Variants in DCX observed in about 807,000 individuals in gnomAD.
DCX encodes neuronal migration protein doublecortin.
DCX carries 4 observed loss-of-function variants against 20.9 expected under a neutral mutation model. The ratio of observed to expected loss-of-function variants is 0.19; its 90% confidence interval spans 0.09 to 0.44. The LOEUF (loss-of-function observed/expected upper bound fraction) is 0.44, where lower values mean the gene tolerates loss of function less well. Among genes scored for constraint, DCX ranks in the 20% least tolerant of loss-of-function variants. The pLI, the probability that DCX is intolerant of heterozygous loss-of-function variation, is 0.99. For missense variants in DCX, 133 were observed against 296.9 expected (o/e 0.45, Z 4.06); for synonymous variants, 103 against 111.4 (o/e 0.92, Z 0.47).
chrX:111,331,930 C>T (rs934302149), intron 4 of DCX, among the ~76,000 whole-genome samples: 3 of 112,674 alleles, frequency 2.7e-5, no homozygotes, highest in African/African-American at 6.4e-5. Flanking sequence ...CCCCTGAGTT[C>T]CAGTTTAGTG....
At chrX:111,388,991 A>G (rs1486466748) in intron 3 of DCX, among the ~76,000 whole-genome samples, 1 of 111,809 alleles carries the variant, frequency 8.9e-6, no homozygotes, top group East Asian at 2.8e-4. Flanking sequence ...GACACTGGAC[A>G]GACTAGTTTT....
chrX:111,330,613 T>C (rs1230833717), intron 5 of DCX, among the ~76,000 whole-genome samples: 1 of 111,923 alleles, frequency 8.9e-6, no homozygotes, highest in African/African-American at 3.2e-5. Context: ...TGAATATGTT[T>C]TTGCCACATG....
At chrX:111,400,079 A>G (rs1421722105) in intron 3 of DCX, among the ~76,000 whole-genome samples, 1 of 111,695 alleles carries the variant, frequency 9.0e-6, no homozygotes, top group East Asian at 2.8e-4. Flanking sequence ...TAAACACCAA[A>G]GGCATTTTAA....
intron 5 of DCX, among the ~76,000 whole-genome samples, chrX:111,323,452 G>GTAGTGCT (rs1303016656): frequency 9.0e-6 from 1 of 111,219 alleles, no homozygotes; most frequent in Non-Finnish European, 1.9e-5. Flanking sequence ...TACTAGCACT[G>GTAGTGCT]AGTAAGTATT....
intron 3 of DCX, among the ~76,000 whole-genome samples, chrX:111,397,348 G>A (rs1441301515): frequency 4.5e-5 from 5 of 111,424 alleles, no homozygotes; most frequent in East Asian, 2.8e-4. Flanking sequence ...CTTGTGTCAC[G>A]TATAGCCAAA....
At chrX:111,350,792 G>A (rs1225865959) in intron 3 of DCX, among the ~76,000 whole-genome samples, 1 of 111,999 alleles carries the variant, frequency 8.9e-6, no homozygotes, top group African/African-American at 3.2e-5. Context: ...AAGACATACT[G>A]GAGACTGGGC....
At chrX:111,323,907 A>C (rs1021965304) in intron 5 of DCX, among the ~76,000 whole-genome samples, 1 of 111,443 alleles carries the variant, frequency 9.0e-6, no homozygotes, top group African/African-American at 3.3e-5. Flanking sequence ...AGAGAAAGGA[A>C]AGGACTGCTG....
At chrX:111,391,179 C>T (rs971284847) in intron 3 of DCX, among the ~76,000 whole-genome samples, 1 of 110,384 alleles carries the variant, frequency 9.1e-6, no homozygotes, top group Non-Finnish European at 1.9e-5. Flanking sequence ...TTTTCCCATG[C>T]TTTTCTCATG....
chrX:111,358,048 G>A (rs906349203), intron 3 of DCX, among the ~76,000 whole-genome samples: 2 of 110,815 alleles, frequency 1.8e-5, no homozygotes, highest in African/African-American at 3.3e-5. Flanking sequence ...GGCTGGCCTC[G>A]AACTCCTGGC....
intron 3 of DCX, among the ~76,000 whole-genome samples, chrX:111,400,236 G>T (rs958860963): frequency 9.0e-6 from 1 of 111,600 alleles, no homozygotes; most frequent in African/African-American, 3.3e-5. Context: ...ATGCTTAAGA[G>T]AATGGTGCAT....
intron 3 of DCX, among the ~76,000 whole-genome samples, chrX:111,394,725 C>T (rs1319599517): frequency 8.9e-6 from 1 of 111,861 alleles, no homozygotes; most frequent in Non-Finnish European, 1.9e-5. Flanking sequence ...AGCACCAGTG[C>T]TAACCACCCC....
At chrX:111,343,049 C>T (rs1922429517) in intron 3 of DCX, among the ~76,000 whole-genome samples, 1 of 108,120 alleles carries the variant, frequency 9.2e-6, no homozygotes, top group Admixed American at 1.0e-4. Context: ...TAGCAGAAGA[C>T]AAGAAATAAC....
chrX:111,375,642 A>G (rs1404469370), intron 3 of DCX, among the ~76,000 whole-genome samples: 2 of 111,467 alleles, frequency 1.8e-5, no homozygotes, highest in Non-Finnish European at 3.8e-5. Context: ...GTTCTTAAGC[A>G]AAAACATACT....
chrX:111,386,483 G>A (rs1277195825), intron 3 of DCX, among the ~76,000 whole-genome samples: 4 of 111,159 alleles, frequency 3.6e-5, no homozygotes, highest in African/African-American at 6.5e-5. Flanking sequence ...ACATCAGTTC[G>A]TGTCTAATCC....
At position 111,402,493 on chromosome X, in the gene DCX, G is replaced by C. The variant is rs73547206; in HGVS notation, c.365-1163C>G. On this transcript the variant is annotated intron_variant, in intron 2 of 6. Transcript: ENST00000636035. ...GTGATTTAATCAGGCTTAAGTCATCGGTAATAACCCTAAATAAATAAATAA... is the reference window on the plus strand; with the variant it reads ...GTGATTTAATCAGGCTTAAGTCATCCGTAATAACCCTAAATAAATAAATAA... 6.7e-3 allele frequency among the ~76,000 whole-genome samples: 746 copies of C among 111,397 alleles called. 12 individuals are homozygous for C. The highest frequency in any genetic ancestry group is 0.023 in the African/African-American group (705 of 30,599).
Position 111,389,743 on chromosome X carries a change from T to C in DCX, c.705+11247A>G, listed in dbSNP as rs993175320. 2.7e-5 allele frequency among the ~76,000 whole-genome samples: 3 copies of C among 111,383 alleles called. No homozygotes were observed. The East Asian group carries it at 8.6e-4, about 32-fold the overall frequency. On this transcript the variant is annotated intron_variant, in intron 3 of 6. Transcript: ENST00000636035. Reference sequence around the variant, plus strand: ...TACATAAATAAATAACCCTACTTCTTGCCCTGGCTTTCCCTGCCTCAGTGA... The same window carrying C: ...TACATAAATAAATAACCCTACTTCTCGCCCTGGCTTTCCCTGCCTCAGTGA...
chrX:111,338,575 T>G (rs1446544415), intron 3 of DCX, among the ~76,000 whole-genome samples: 1 of 107,078 alleles, frequency 9.3e-6, no homozygotes. Context: ...TCGGAAACAA[T>G]CCTGACTTTT....
chrX:111,406,547 ATAT>A (rs1267962814), intron 2 of DCX, among the ~76,000 whole-genome samples: 1 of 112,108 alleles, frequency 8.9e-6, no homozygotes, highest in East Asian at 2.8e-4. Context: ...ACAGTTAAAA[ATAT>A]TATTCACAAG....
At chrX:111,411,004 T>G (rs200628031) in intron 1 of DCX, 150 of 1,120,083 alleles carry the variant, frequency 1.3e-4, no homozygotes, top group Admixed American at 4.0e-4. Flanking sequence ...CCTACTCTAA[T>G]GTGTGCATCC....
Sources: gnomAD v4.1 joint callset for allele counts (sites outside exome capture counted in the v4.1 genomes callset) on GRCh38, gnomAD v4.1.1 for gene constraint, MANE v1.5 for transcripts, NCBI Gene and HGNC (gene_info 2026-07-23, HGNC 2026-07-21) for gene names.